DDAH1: variants seen among roughly 807,000 people sequenced by gnomAD.
DDAH1 encodes the protein N(G),N(G)-dimethylarginine dimethylaminohydrolase 1.
A neutral mutation model predicts 28.8 loss-of-function variants in DDAH1; 19 were observed. The ratio of observed to expected loss-of-function variants is 0.66; its 90% CI spans 0.46 to 0.97. The LOEUF is 0.97. Among genes scored for constraint, DDAH1 ranks in the 50% least tolerant of loss-of-function variants. The probability of loss-of-function intolerance (pLI) is 0.00; values close to 1 mark genes in which losing one functional copy is unlikely to be tolerated. For synonymous variants in DDAH1, 153 were observed against 154.4 expected (o/e 0.99, Z 0.07); for missense variants, 326 against 375.9 (o/e 0.87, Z 1.10).
intron 4 of DDAH1, among the ~76,000 whole-genome samples, chr1:85,327,759 A>C (rs1647503152): frequency 6.6e-6 from 1 of 152,188 alleles, no homozygotes; most frequent in Admixed American, 6.5e-5. Flanking sequence ...CCACAGGGTA[A>C]CTCTGAAGAT....
At chr1:85,553,898 T>C (rs751344244) in intron 1 of DDAH1, among the ~76,000 whole-genome samples, 7 of 152,224 alleles carry the variant, frequency 4.6e-5, no homozygotes, top group South Asian at 2.1e-4. Context: ...AGACTCTCCA[T>C]GGAGGGACTT....
At chr1:85,565,900 G>T (rs1302951477) in intron 1 of DDAH1, among the ~76,000 whole-genome samples, 1 of 152,050 alleles carries the variant, frequency 6.6e-6, no homozygotes, top group East Asian at 1.9e-4. Flanking sequence ...GGCCAACATG[G>T]CAAAACCCTG....
At chr1:85,429,953 G>A (rs1359132922) in intron 1 of DDAH1, among the ~76,000 whole-genome samples, 1 of 152,142 alleles carries the variant, frequency 6.6e-6, no homozygotes, top group African/African-American at 2.4e-5. Flanking sequence ...CATCCTGTAG[G>A]TTGCCTGTTC....
At chr1:85,433,070 A>G (rs1475471696) in intron 1 of DDAH1, among the ~76,000 whole-genome samples, 1 of 152,198 alleles carries the variant, frequency 6.6e-6, no homozygotes, top group Non-Finnish European at 1.5e-5. Flanking sequence ...TGGCCAGACT[A>G]TACATATATA....
Position 85,464,753 on chromosome 1 carries a change from C to G in DDAH1, c.293G>C (p.Arg98Pro), listed in dbSNP as rs1655278642. ...ALITRPGAPS[R>P]RKEVDMMKEA... ...CGAGTCGGCAGTTACCTCCTTCCTC[C>G]GGCTCGGCGCCCCGGGTCGGGTGAT... The change falls in exon 1 of 6, where the codon CGG becomes CCG. Residue 98 changes from arginine to proline, a missense_variant. Coordinates refer to ENST00000284031, the MANE Select transcript of DDAH1 (RefSeq NM_012137.4). This position sits in a 1 kb window ranked among gnomAD's most constrained non-coding sequence, Gnocchi z 4.4. The G allele has an allele frequency of 9.7e-6, 15 of 1,547,116 alleles. No individual in the cohort carries two copies. The East Asian group carries it at 3.6e-4, about 37-fold the overall frequency.
In DDAH1 at chr1:85,464,799, C is replaced by T; in HGVS notation, c.247G>A (p.Val83Met). 1.3e-6 allele frequency: 2 copies of T among 1,585,120 alleles called. No homozygotes were observed. Among genetic ancestry groups the T allele is most frequent in the Admixed American group, 3.4e-5 (2 of 58,010 alleles). Residue 83 changes from valine (V) to methionine (M), a missense_variant, in exon 1 of 6, where the codon GTG (valine) becomes ATG (methionine). Transcript: ENST00000284031. This position sits in a 1 kb window ranked among gnomAD's most constrained non-coding sequence, Gnocchi z 4.4. The stretch of plus-strand genomic sequence containing the variant: ...GTGATGAGGGCCGTCTCCTCGCACA[C>T]CACGGCCACGTCCTCCACGAAGACG... ...DCVFVEDVAVVCEETALITRP... is the reference protein window; with the variant it reads ...DCVFVEDVAVMCEETALITRP...
intron 1 of DDAH1, among the ~76,000 whole-genome samples, chr1:85,539,347 A>G (rs1304155144): frequency 6.6e-6 from 1 of 152,078 alleles, no homozygotes; most frequent in Non-Finnish European, 1.5e-5. Flanking sequence ...GGGTCTCACC[A>G]TGTTGGCCAG....
intron 1 of DDAH1, among the ~76,000 whole-genome samples, chr1:85,438,032 A>G (rs1400978527): frequency 1.3e-5 from 2 of 152,246 alleles, no homozygotes; most frequent in South Asian, 2.1e-4. Context: ...TCGCCGCAAC[A>G]TGGATGCAGC....
At chr1:85,512,737 A>T (rs1657293147) in intron 1 of DDAH1, among the ~76,000 whole-genome samples, 2 of 152,142 alleles carry the variant, frequency 1.3e-5, no homozygotes, top group Admixed American at 1.3e-4. Context: ...TCATGAGTGA[A>T]CTCCCATTCA....
At chr1:85,501,680 G>A (rs528482242) in intron 1 of DDAH1, among the ~76,000 whole-genome samples, 1 of 152,236 alleles carries the variant, frequency 6.6e-6, no homozygotes, top group Admixed American at 6.5e-5. Flanking sequence ...AAAAGACAAG[G>A]TGACCAAGGG....
chr1:85,444,477 C>CT, intron 1 of DDAH1, among the ~76,000 whole-genome samples: 1 of 152,090 alleles, frequency 6.6e-6, no homozygotes, highest in African/African-American at 2.4e-5. Flanking sequence ...CTAAAATTCT[C>CT]TTTTTTTGTT....
At chr1:85,439,404 A>G (rs1654087914) in intron 1 of DDAH1, among the ~76,000 whole-genome samples, 1 of 152,240 alleles carries the variant, frequency 6.6e-6, no homozygotes, top group African/African-American at 2.4e-5. Context: ...GCAGCTTCCC[A>G]AGTGTCTGAC....
At chr1:85,411,016 T>C (rs147837740) in intron 1 of DDAH1, among the ~76,000 whole-genome samples, 1 of 152,322 alleles carries the variant, frequency 6.6e-6, no homozygotes, top group East Asian at 1.9e-4. Flanking sequence ...TGTTCATCCA[T>C]GGAGCTGAGA....
At chr1:85,557,184 G>T (rs997305431) in intron 1 of DDAH1, among the ~76,000 whole-genome samples, 6 of 152,090 alleles carry the variant, frequency 3.9e-5, no homozygotes, top group African/African-American at 1.4e-4. Context: ...TAGATTCAGG[G>T]GAAAATCTCT....
chr1:85,464,496 C>T lies in DDAH1; in HGVS notation c.303+247G>A. 1 of 1,526,012 alleles carries T rather than the reference C, an allele frequency of 6.6e-7. No individual in the cohort carries two copies. The highest frequency in any genetic ancestry group is 2.5e-5 in the East Asian group (1 of 40,312). The allele number at this position is 1,526,012 out of a possible 1,614,324, so 94.5% of individuals were successfully genotyped here. ...GAGACGGAATCCCCCGCCCACCCAC[C>T]TGCCCGAGACCGTACAACCACATTG... On this transcript the variant is annotated intron_variant, in intron 1 of 5. Coordinates refer to ENST00000284031, the MANE Select transcript of DDAH1 (RefSeq NM_012137.4). The surrounding 1 kb of genome is among the most constrained non-coding windows in gnomAD (Gnocchi z 4.4).
chr1:85,515,826 A>G (rs1470894277), intron 1 of DDAH1, among the ~76,000 whole-genome samples: 1 of 152,170 alleles, frequency 6.6e-6, no homozygotes, highest in African/African-American at 2.4e-5. Flanking sequence ...AACATAGTGG[A>G]TGAGTTTGCT....
intron 1 of DDAH1, among the ~76,000 whole-genome samples, chr1:85,428,148 C>A (rs553298729): frequency 1.9e-4 from 29 of 152,276 alleles, no homozygotes; most frequent in Admixed American, 4.6e-4. Context: ...CCTTTTCAGA[C>A]TTCTCAGAAC....
At chr1:85,431,545 TCCTTCTTC>T (rs976669304) in intron 1 of DDAH1, among the ~76,000 whole-genome samples, 1 of 151,960 alleles carries the variant, frequency 6.6e-6, no homozygotes, top group Non-Finnish European at 1.5e-5. Flanking sequence ...TCTCCTTCTT[TCCTTCTTC>T]CCTCCTTCCT....
chr1:85,546,443 T>C (rs528789345), intron 1 of DDAH1, among the ~76,000 whole-genome samples: 52 of 152,278 alleles, frequency 3.4e-4, no homozygotes, highest in African/African-American at 1.3e-3. Context: ...TCATTATAAA[T>C]TCCCCAGCTT....
Sources: gnomAD v4.1 joint callset for allele counts (sites outside exome capture counted in the v4.1 genomes callset) on GRCh38, gnomAD v4.1.1 for gene constraint, Gnocchi (gnomAD v3.1) non-coding constraint, MANE v1.5 for transcripts, NCBI Gene and HGNC (gene_info 2026-07-23, HGNC 2026-07-21) for gene names.